AUTS2: variants seen among roughly 807,000 people sequenced by gnomAD.
AUTS2 encodes the protein activator of transcription and developmental regulator AUTS2.
AUTS2 carries 17 observed loss-of-function variants against 112.4 expected under a neutral mutation model. The ratio of observed to expected loss-of-function variants is 0.15; its 90% confidence interval spans 0.10 to 0.23. AUTS2 has a LOEUF of 0.23. AUTS2 is among the 10% of genes least tolerant of loss of function. AUTS2 has a pLI of 1.00. For missense variants in AUTS2, 1,510 were observed against 1,701.6 expected (o/e 0.89, Z 1.98); for synonymous variants, 751 against 702.7 (o/e 1.07, Z -1.09).
chr7:69,630,189 G>A (rs1393261891), intron 1 of AUTS2, among the ~76,000 whole-genome samples: 4 of 152,104 alleles, frequency 2.6e-5, no homozygotes, highest in African/African-American at 9.7e-5. Context: ...CTCTGGAGGC[G>A]GAGGTTGCAG....
intron 5 of AUTS2, among the ~76,000 whole-genome samples, chr7:70,623,909 C>G (rs1166423929): frequency 3.9e-5 from 6 of 152,180 alleles, no homozygotes; most frequent in Admixed American, 6.5e-5. Flanking sequence ...CTGCCGTTCT[C>G]CAGCTCTTCC....
intron 17 of AUTS2, among the ~76,000 whole-genome samples, chr7:70,786,539 C>T (rs6974048): frequency 0.68 from 103,327 of 151,960 alleles, 35,714 homozygotes; most frequent in Non-Finnish European, 0.75. Flanking sequence ...GACTCTGCAG[C>T]TTTCTACTAT....
chr7:69,758,931 G>C (rs371015683), intron 1 of AUTS2, among the ~76,000 whole-genome samples: 3 of 152,156 alleles, frequency 2.0e-5, no homozygotes, highest in African/African-American at 7.2e-5. Flanking sequence ...AATGCCTGGA[G>C]CTAGGGCCTT....
intron 5 of AUTS2, among the ~76,000 whole-genome samples, chr7:70,639,248 A>G (rs775221064): frequency 6.6e-6 from 1 of 152,212 alleles, no homozygotes; most frequent in Non-Finnish European, 1.5e-5. Context: ...TGGTTCTCAG[A>G]TAAAACCAAA....
At chr7:70,080,444 A>G (rs1803246057) in intron 2 of AUTS2, among the ~76,000 whole-genome samples, 1 of 152,230 alleles carries the variant, frequency 6.6e-6, no homozygotes, top group African/African-American at 2.4e-5. Context: ...TTGGCTGTAG[A>G]TATAAGAATT....
chr7:70,228,659 CTT>C (rs1811894096), intron 4 of AUTS2, among the ~76,000 whole-genome samples: 1 of 151,824 alleles, frequency 6.6e-6, no homozygotes, highest in Non-Finnish European at 1.5e-5. Flanking sequence ...TTGTATTAAA[CTT>C]TGTCAGTTTA....
chr7:70,435,088 A>G (rs757350129), intron 4 of AUTS2, among the ~76,000 whole-genome samples: 3 of 152,156 alleles, frequency 2.0e-5, no homozygotes, highest in Non-Finnish European at 4.4e-5. Context: ...GCCCTAAAGC[A>G]TACTTTTTTG....
intron 1 of AUTS2, among the ~76,000 whole-genome samples, chr7:69,847,136 A>G (rs1445423151): frequency 2.6e-5 from 4 of 152,082 alleles, no homozygotes; most frequent in Admixed American, 1.3e-4. Context: ...AAATATTATT[A>G]CTTGTCCTGT....
intron 5 of AUTS2, among the ~76,000 whole-genome samples, chr7:70,494,894 TG>T (rs559721217): frequency 9.7e-4 from 148 of 152,298 alleles, no homozygotes; most frequent in Admixed American, 2.1e-3. Flanking sequence ...CCCCAGTCAC[TG>T]TTATTCCTTA....
chr7:69,618,735 C>A (rs1793505395), intron 1 of AUTS2, among the ~76,000 whole-genome samples: 1 of 152,114 alleles, frequency 6.6e-6, no homozygotes, highest in South Asian at 2.1e-4. Flanking sequence ...TAAAGCATAA[C>A]ATAGCCAACA....
At chr7:70,738,071 T>A (rs916347681) in intron 6 of AUTS2, among the ~76,000 whole-genome samples, 6 of 152,158 alleles carry the variant, frequency 3.9e-5, no homozygotes, top group African/African-American at 1.4e-4. Flanking sequence ...CATGAGGAGG[T>A]ATGGCCGGGT....
At chr7:70,316,308 T>C (rs1046213123) in intron 4 of AUTS2, among the ~76,000 whole-genome samples, 15 of 152,032 alleles carry the variant, frequency 9.9e-5, no homozygotes, top group Non-Finnish European at 2.9e-5. Context: ...ATCAATGGGC[T>C]GTCTTCTGCT....
intron 4 of AUTS2, among the ~76,000 whole-genome samples, chr7:70,144,653 AG>A (rs1807038901): frequency 6.6e-6 from 1 of 152,090 alleles, no homozygotes; most frequent in East Asian, 1.9e-4. Context: ...CTAGGTCAGA[AG>A]GGACTTCAGA....
At chr7:69,764,561 A>G (rs928547780) in intron 1 of AUTS2, among the ~76,000 whole-genome samples, 1 of 141,552 alleles carries the variant, frequency 7.1e-6, no homozygotes, top group Admixed American at 7.1e-5. Context: ...GTACTGATGT[A>G]AAAAAAAAAA....
chr7:70,080,784 C>T (rs886309113), intron 2 of AUTS2, among the ~76,000 whole-genome samples: 2 of 152,118 alleles, frequency 1.3e-5, no homozygotes, highest in Admixed American at 6.6e-5. Context: ...GGAAGGAAAC[C>T]TTTCTGATTA....
chr7:70,031,105 G>A (rs1291751543), intron 2 of AUTS2, among the ~76,000 whole-genome samples: 2 of 152,100 alleles, frequency 1.3e-5, no homozygotes, highest in African/African-American at 4.8e-5. Flanking sequence ...GTTTCCTGTC[G>A]CTCTCCAATC....
intron 5 of AUTS2, among the ~76,000 whole-genome samples, chr7:70,495,911 TCA>T (rs1160789768): frequency 2.1e-5 from 2 of 96,300 alleles, no homozygotes; most frequent in Non-Finnish European, 4.0e-5. Flanking sequence ...CACATCCCAC[TCA>T]CACACACCAC....
intron 5 of AUTS2, among the ~76,000 whole-genome samples, chr7:70,468,480 G>A (rs982283105): frequency 7.2e-5 from 11 of 152,172 alleles, no homozygotes; most frequent in African/African-American, 1.7e-4. Context: ...ATGAGCTCAC[G>A]TTTTCCTGAC....
intron 3 of AUTS2, among the ~76,000 whole-genome samples, chr7:70,132,967 G>A (rs1806358317): frequency 6.6e-6 from 1 of 152,114 alleles, no homozygotes; most frequent in Non-Finnish European, 1.5e-5. Flanking sequence ...CTGCATGGAG[G>A]GCTGTGGGTG....
Sources: gnomAD v4.1 joint callset for allele counts (sites outside exome capture counted in the v4.1 genomes callset) on GRCh38, gnomAD v4.1.1 for gene constraint, MANE v1.5 for transcripts, NCBI Gene and HGNC (gene_info 2026-07-23, HGNC 2026-07-21) for gene names.